Variants in SH3PXD2B observed in about 807,000 individuals in gnomAD.
SH3PXD2B encodes SH3 and PX domain-containing protein 2B.
Under a neutral mutation model 73.1 loss-of-function variants are expected in SH3PXD2B, and 37 were observed. The observed-to-expected ratio is 0.51, with a 90% CI of 0.39 to 0.67. The LOEUF is 0.67. SH3PXD2B is among the 30% of genes least tolerant of loss of function. The probability of loss-of-function intolerance (pLI) is 0.00; values close to 1 mark genes in which losing one functional copy is unlikely to be tolerated. For missense variants in SH3PXD2B, 1,053 were observed against 1,197.8 expected (o/e 0.88, Z 1.78); for synonymous variants, 457 against 480.5 (o/e 0.95, Z 0.64).
intron 1 of SH3PXD2B, among the ~76,000 whole-genome samples, chr5:172,438,905 A>G (rs999617274): frequency 6.6e-6 from 1 of 152,070 alleles, no homozygotes; most frequent in Non-Finnish European, 1.5e-5. Context: ...CGTAAAGTAA[A>G]AAATTAAAAA....
intron 1 of SH3PXD2B, among the ~76,000 whole-genome samples, chr5:172,431,342 G>C (rs755157197): frequency 2.0e-5 from 3 of 152,238 alleles, no homozygotes; most frequent in Non-Finnish European, 4.4e-5. Context: ...CCAAACACTA[G>C]GTCTGCAGAG....
rs1255107304 is a variant in SH3PXD2B, at chr5:172,339,724, T to C, written c.1381A>G (p.Ser461Gly). 1.2e-6 allele frequency: 2 copies of C among 1,614,022 alleles called. No homozygotes were observed. The highest frequency in any genetic ancestry group is 1.7e-6 in the Non-Finnish European group (2 of 1,179,982). ...EAAALENNTGSEATGPSRPLP... is the reference protein window; with the variant it reads ...EAAALENNTGGEATGPSRPLP... ...GGCCGGGAGGGGCCCGTGGCTTCGCTGCCCGTGTTGTTCTCCAGCGCTGCT... is the reference window on the plus strand; with the variant it reads ...GGCCGGGAGGGGCCCGTGGCTTCGCCGCCCGTGTTGTTCTCCAGCGCTGCT... The change falls in exon 13 of 13, where the codon AGC becomes GGC. Residue 461 changes from serine (S) to glycine (G), a missense_variant. By Grantham distance (56) the Ser-to-Gly change is moderately conservative. This residue lies in a region of SH3PXD2B where 587 missense variants were observed against 590.7 expected (regional missense o/e 0.99). Transcript: ENST00000311601. This position sits in a 1 kb window ranked among gnomAD's most constrained non-coding sequence, Gnocchi z 6.1.
chr5:172,396,151 G>C (rs111376015), intron 3 of SH3PXD2B, among the ~76,000 whole-genome samples: 121 of 132,936 alleles, frequency 9.1e-4, no homozygotes, highest in African/African-American at 3.3e-3. Flanking sequence ...TCAGGAGTTT[G>C]AGACCAACCT....
chr5:172,425,142 A>G (rs1178006839), intron 1 of SH3PXD2B, among the ~76,000 whole-genome samples: 1 of 152,134 alleles, frequency 6.6e-6, no homozygotes, highest in African/African-American at 2.4e-5. Flanking sequence ...GAAGACTTCA[A>G]ATCTGTTTCT....
chr5:172,337,170 A>G lies in SH3PXD2B; in HGVS notation c.*1199T>C, dbSNP rs10050631. Reference sequence around the variant, plus strand: ...TCATGGAGATGCAGCTGTTGAGTCCAGGGCAGCCTTTGGTATAGGCTGCTG... The same window carrying G: ...TCATGGAGATGCAGCTGTTGAGTCCGGGGCAGCCTTTGGTATAGGCTGCTG... On this transcript the variant is annotated 3_prime_UTR_variant, in exon 13 of 13. Transcript: ENST00000311601. 0.59 allele frequency: 576,601 copies of G among 985,228 alleles called. 169,674 individuals are homozygous for G. Among genetic ancestry groups the G allele is most frequent in the South Asian group, 0.79 (16,835 of 21,282 alleles). 61.0% of individuals were successfully genotyped at this position (985,228 alleles called of 1,614,324 possible).
chr5:172,368,507 T>TAAA (rs1459852637), intron 6 of SH3PXD2B, among the ~76,000 whole-genome samples: 1 of 32,966 alleles, frequency 3.0e-5, no homozygotes, highest in Non-Finnish European at 4.5e-5. Flanking sequence ...TATATATATA[T>TAAA]ATATAAAATA....
intron 3 of SH3PXD2B, among the ~76,000 whole-genome samples, chr5:172,399,906 T>C (rs1387883387): frequency 6.6e-6 from 1 of 151,664 alleles, no homozygotes; most frequent in Non-Finnish European, 1.5e-5. Context: ...TAGATGTTCC[T>C]GCAGAAATCT....
At position 172,335,931 on chromosome 5, in the gene SH3PXD2B, T is replaced by C. The variant is rs760267846; in HGVS notation, c.*2438A>G. The C allele has an allele frequency of 1.3e-4, 148 of 1,156,578 alleles. No individual in the cohort carries two copies. The highest frequency in any genetic ancestry group is 5.8e-5 in the Non-Finnish European group (55 of 941,174). The allele number at this position is 1,156,578 out of a possible 1,614,324, so 71.6% of individuals were successfully genotyped here. A position where few individuals can be genotyped will look rare whatever the true frequency, so the allele number is the denominator to read the frequency against. ...CATGTCAGAATAATCATCATCATCA[T>C]AGCAAAAGAGAATGGCAGATTCTTT... On this transcript the variant is annotated 3_prime_UTR_variant, in exon 13 of 13. Coordinates refer to ENST00000311601, the MANE Select transcript of SH3PXD2B (RefSeq NM_001017995.3).
intron 1 of SH3PXD2B, among the ~76,000 whole-genome samples, chr5:172,423,447 T>C (rs1759018500): frequency 6.6e-6 from 1 of 150,422 alleles, no homozygotes; most frequent in South Asian, 2.1e-4. Flanking sequence ...CTCCATGAGG[T>C]GACGGTTAGA....
chr5:172,401,565 T>C (rs531805366), intron 3 of SH3PXD2B, among the ~76,000 whole-genome samples: 1 of 152,312 alleles, frequency 6.6e-6, no homozygotes, highest in East Asian at 1.9e-4. Flanking sequence ...GAACAAGCCT[T>C]CATCGCCATG....
intron 8 of SH3PXD2B, among the ~76,000 whole-genome samples, chr5:172,355,553 T>C (rs796713758): frequency 2.0e-5 from 3 of 151,496 alleles, no homozygotes; most frequent in East Asian, 1.9e-4. Flanking sequence ...CTTTTCTTTT[T>C]TTTTTTTTTT....
At chr5:172,423,756 C>T (rs1048989362) in intron 1 of SH3PXD2B, among the ~76,000 whole-genome samples, 2 of 152,122 alleles carry the variant, frequency 1.3e-5, no homozygotes, top group Non-Finnish European at 2.9e-5. Flanking sequence ...GATTCTCGTG[C>T]TTTAGCCTCC....
Position 172,339,743 on chromosome 5 carries a change from C to A in SH3PXD2B, c.1362G>T (p.Ala454=), listed in dbSNP as rs772466608. 8.1e-6 allele frequency: 13 copies of A among 1,613,626 alleles called. No homozygotes were observed. In the South Asian group the frequency reaches 1.2e-4, roughly 15 times the overall value. The change falls in exon 13 of 13, where the codon GCG becomes GCT. Residue 454 remains alanine, a synonymous_variant. Transcript: ENST00000311601. This position sits in a 1 kb window ranked among gnomAD's most constrained non-coding sequence, Gnocchi z 6.1. ...CTTCGCTGCCCGTGTTGTTCTCCAG[C>A]GCTGCTGCTTCCCCCAGCCGGAGCT... ...VTQLRLGEAA[A]LENNTGSEAT... is the part of the protein sequence containing the mutation.
chr5:172,453,670 T>C (rs372221652), intron 1 of SH3PXD2B, among the ~76,000 whole-genome samples: 24 of 152,338 alleles, frequency 1.6e-4, no homozygotes, highest in African/African-American at 5.8e-4. Flanking sequence ...GAGAAAACTT[T>C]CGTACATTTT....
chr5:172,452,314 G>C (rs1462392179), intron 1 of SH3PXD2B, among the ~76,000 whole-genome samples: 1 of 152,208 alleles, frequency 6.6e-6, no homozygotes, highest in Non-Finnish European at 1.5e-5. Flanking sequence ...GGTTCTCAAA[G>C]CGCAAAACCT....
chr5:172,369,253 A>T (rs531207953), intron 6 of SH3PXD2B, among the ~76,000 whole-genome samples: 26 of 148,104 alleles, frequency 1.8e-4, no homozygotes, highest in East Asian at 3.9e-4. Flanking sequence ...TTTTTTTTTT[A>T]AATATTTTTT....
chr5:172,382,786 T>C (rs1456630874), intron 4 of SH3PXD2B, among the ~76,000 whole-genome samples: 4 of 152,200 alleles, frequency 2.6e-5, no homozygotes, highest in African/African-American at 9.7e-5. Flanking sequence ...TGGAGTGCAG[T>C]GGTGCAGCCT....
At chr5:172,363,015 T>C (rs976352889) in intron 6 of SH3PXD2B, 146 bp from the exon 7 acceptor site, 51 of 1,134,196 alleles carry the variant, frequency 4.5e-5, no homozygotes, top group Middle Eastern at 2.8e-4. Flanking sequence ...CATCCATTCA[T>C]TGTTCTATTC....
intron 11 of SH3PXD2B, 45 bp downstream of exon 11, chr5:172,347,238 G>A (rs1331296651): frequency 6.2e-7 from 1 of 1,604,066 alleles, no homozygotes; most frequent in Non-Finnish European, 8.5e-7. Flanking sequence ...ACCCCTCACA[G>A]CCCTCAAGTC....
Sources: gnomAD v4.1 joint callset for allele counts (sites outside exome capture counted in the v4.1 genomes callset) on GRCh38, gnomAD v4.1.1 for gene constraint, gnomAD v4.1.1 regional missense constraint, Gnocchi (gnomAD v3.1) non-coding constraint, MANE v1.5 for transcripts, NCBI Gene and HGNC (gene_info 2026-07-23, HGNC 2026-07-21) for gene names.